Variants in ARID5B observed in about 807,000 individuals in gnomAD.
ARID5B encodes AT-rich interaction domain 5B.
In ARID5B, 13 loss-of-function variants were observed where a neutral mutation model predicts 97.2. That is an observed-to-expected ratio of 0.13 (90% CI 0.09 to 0.21). ARID5B has a LOEUF of 0.21. Ranked by LOEUF, ARID5B falls within the 10% of genes least tolerant of loss-of-function variation. The pLI, the probability that ARID5B is intolerant of heterozygous loss-of-function variation, is 1.00. For missense variants in ARID5B, 1,210 were observed against 1,465.3 expected, an observed-to-expected ratio of 0.83 and a Z score of 2.84; for synonymous variants, 556 against 570.3, an observed-to-expected ratio of 0.97 and a Z score of 0.36.
intron 2 of ARID5B, among the ~76,000 whole-genome samples, chr10:61,937,142 G>A (rs1332429553): frequency 6.6e-6 from 1 of 152,246 alleles, no homozygotes; most frequent in African/African-American, 2.4e-5. Context: ...GGGCCAGATA[G>A]TTAAGGGAAA....
At chr10:62,086,739 G>T (rs1365585980) in intron 9 of ARID5B, among the ~76,000 whole-genome samples, 1 of 149,420 alleles carries the variant, frequency 6.7e-6, no homozygotes, top group Non-Finnish European at 1.5e-5. Context: ...GCCCCGCTGT[G>T]GTCCCAGCTA....
intron 8 of ARID5B, among the ~76,000 whole-genome samples, chr10:62,084,854 A>G (rs999089252): frequency 6.6e-6 from 1 of 152,214 alleles, no homozygotes; most frequent in African/African-American, 2.4e-5. Flanking sequence ...TGTGGCTTGC[A>G]TAGTCTGTCT....
chr10:61,909,318 GTTTTTTTTT>G (rs777612375), intron 2 of ARID5B, among the ~76,000 whole-genome samples: 56 of 77,246 alleles, frequency 7.2e-4, no homozygotes, highest in African/African-American at 2.5e-3. Flanking sequence ...TATTCAGTGA[GTTTTTTTTT>G]TTTTTTTTTT....
intron 4 of ARID5B, among the ~76,000 whole-genome samples, chr10:62,030,295 A>AC (rs1839479647): frequency 6.6e-6 from 1 of 151,852 alleles, no homozygotes; most frequent in Non-Finnish European, 1.5e-5. Flanking sequence ...ACGCCCAGCT[A>AC]ATTTTTGTAT....
At chr10:62,045,950 A>C (rs939694284) in intron 4 of ARID5B, among the ~76,000 whole-genome samples, 2 of 152,234 alleles carry the variant, frequency 1.3e-5, no homozygotes, top group African/African-American at 4.8e-5. Flanking sequence ...TTCTCTAGAC[A>C]TTGACCTCGG....
intron 3 of ARID5B, among the ~76,000 whole-genome samples, chr10:61,963,202 C>T (rs918555681): frequency 6.6e-6 from 1 of 151,950 alleles, no homozygotes; most frequent in Non-Finnish European, 1.5e-5. Context: ...TTTTTAGTTC[C>T]CTAATTTCTG....
intron 3 of ARID5B, among the ~76,000 whole-genome samples, chr10:61,942,240 G>A (rs754060143): frequency 6.6e-6 from 1 of 152,038 alleles, no homozygotes; most frequent in Non-Finnish European, 1.5e-5. Context: ...ATAAAAGGTT[G>A]ATCCTCTTGG....
intron 4 of ARID5B, among the ~76,000 whole-genome samples, chr10:62,025,811 GAA>G (rs750842683): frequency 2.9e-3 from 171 of 59,556 alleles, no homozygotes; most frequent in Admixed American, 4.0e-3. Flanking sequence ...GAGTGGAAGC[GAA>G]AAAAAAAAAA....
At chr10:62,018,580 C>CTT (rs758545079) in intron 4 of ARID5B, among the ~76,000 whole-genome samples, 2,472 of 133,368 alleles carry the variant, frequency 0.019, 28 homozygotes, top group Non-Finnish European at 0.024. Flanking sequence ...CGTTCCTGAC[C>CTT]TTTTTTTTTT....
chr10:61,913,833 C>T (rs139436746), intron 2 of ARID5B, among the ~76,000 whole-genome samples: 1 of 152,220 alleles, frequency 6.6e-6, no homozygotes, highest in African/African-American at 2.4e-5. Context: ...CTCACCGCAA[C>T]CTCCGCCTCC....
At chr10:62,046,143 C>T (rs796136406) in intron 4 of ARID5B, among the ~76,000 whole-genome samples, 8 of 152,252 alleles carry the variant, frequency 5.3e-5, no homozygotes, top group African/African-American at 1.9e-4. Flanking sequence ...TGAGTCAATC[C>T]AGCTTTTATA....
At chr10:62,024,277 G>A (rs1224079221) in intron 4 of ARID5B, among the ~76,000 whole-genome samples, 3 of 152,150 alleles carry the variant, frequency 2.0e-5, no homozygotes, top group Non-Finnish European at 4.4e-5. Flanking sequence ...ATTTATATTT[G>A]TACACATACA....
At chr10:61,903,465 A>G (rs886498059) in intron 2 of ARID5B, among the ~76,000 whole-genome samples, 2 of 151,930 alleles carry the variant, frequency 1.3e-5, no homozygotes, top group African/African-American at 4.8e-5. Flanking sequence ...GCGCCGTGGT[A>G]CCTACCGAGG....
chr10:62,028,909 A>T (rs1273807325), intron 4 of ARID5B, among the ~76,000 whole-genome samples: 2 of 151,322 alleles, frequency 1.3e-5, no homozygotes, highest in African/African-American at 4.9e-5. Flanking sequence ...GTGAGCTGAG[A>T]TCACGCCACT....
chr10:62,062,673 A>G (rs1284895690), intron 7 of ARID5B, among the ~76,000 whole-genome samples: 1 of 151,946 alleles, frequency 6.6e-6, no homozygotes, highest in Non-Finnish European at 1.5e-5. Flanking sequence ...GCATTTGGTA[A>G]AATGGTAGTC....
intron 9 of ARID5B, among the ~76,000 whole-genome samples, chr10:62,089,251 T>G (rs897723771): frequency 6.6e-6 from 1 of 151,842 alleles, no homozygotes; most frequent in African/African-American, 2.4e-5. Context: ...CAGCTACTAG[T>G]ACAAAAAATA....
At chr10:61,995,361 T>C (rs1589250914) in intron 3 of ARID5B, among the ~76,000 whole-genome samples, 1 of 152,210 alleles carries the variant, frequency 6.6e-6, no homozygotes, top group African/African-American at 2.4e-5. Context: ...GTATATGAAA[T>C]GCGTGGGCAA....
intron 2 of ARID5B, among the ~76,000 whole-genome samples, chr10:61,924,334 C>T (rs1408281406): frequency 6.6e-6 from 1 of 152,196 alleles, no homozygotes; most frequent in African/African-American, 2.4e-5. Flanking sequence ...TTGGCTTTTG[C>T]ATTAATCCTG....
intron 3 of ARID5B, among the ~76,000 whole-genome samples, chr10:61,974,801 C>T (rs772505673): frequency 2.6e-5 from 4 of 152,020 alleles, no homozygotes; most frequent in Non-Finnish European, 4.4e-5. Flanking sequence ...AGTTGTAAAT[C>T]GTGAGTTGAA....
Sources: gnomAD v4.1 joint callset for allele counts (sites outside exome capture counted in the v4.1 genomes callset) on GRCh38, gnomAD v4.1.1 for gene constraint, MANE v1.5 for transcripts, NCBI Gene and HGNC (gene_info 2026-07-23, HGNC 2026-07-21) for gene names.